C2CD5: variants seen among roughly 807,000 people sequenced by gnomAD.
The protein encoded by C2CD5 is C2 domain-containing protein 5.
In C2CD5, 109 loss-of-function variants were observed where a neutral mutation model predicts 130.3. That is an observed-to-expected ratio of 0.84 (90% CI 0.72 to 0.98). C2CD5 has a LOEUF of 0.98. Ranked by LOEUF, C2CD5 falls within the 50% of genes least tolerant of loss-of-function variation. C2CD5 has a pLI of 0.00. For missense variants in C2CD5, 996 were observed against 1,261.8 expected (o/e 0.79, Z 3.19); for synonymous variants, 454 against 429.2 (o/e 1.06, Z -0.71).
chr12:22,525,934 T>C (rs1950677691), intron 4 of C2CD5, among the ~76,000 whole-genome samples: 1 of 152,226 alleles, frequency 6.6e-6, no homozygotes, highest in South Asian at 2.1e-4. Context: ...TTGTTTTAGT[T>C]GATTCTGTCC....
At chr12:22,496,473 A>T (rs1947032034) in intron 10 of C2CD5, among the ~76,000 whole-genome samples, 1 of 152,012 alleles carries the variant, frequency 6.6e-6, no homozygotes, top group Non-Finnish European at 1.5e-5. Context: ...GAAATGATAC[A>T]ATTTAGTTAT....
chr12:22,513,778 AAT>A (rs1949434951), intron 8 of C2CD5, among the ~76,000 whole-genome samples: 1 of 152,162 alleles, frequency 6.6e-6, no homozygotes, highest in African/African-American at 2.4e-5. Flanking sequence ...ATTAAATGTA[AAT>A]ATAGAGACAA....
chr12:22,519,181 G>A (rs1181013994), intron 7 of C2CD5: 2 of 1,535,842 alleles, frequency 1.3e-6, no homozygotes, highest in Admixed American at 2.0e-5. Context: ...GTAGCAGTGT[G>A]AATTGGGCTG....
Position 22,523,628 on chromosome 12 carries a change from C to A in C2CD5, c.602-4G>T, listed in dbSNP as rs1242270929. The A allele has an allele frequency of 6.8e-6, 11 of 1,607,640 alleles. No homozygotes were observed. Among genetic ancestry groups the A allele is most frequent in the Non-Finnish European group, 9.3e-6 (11 of 1,176,848 alleles). On this transcript the variant is annotated splice_polypyrimidine_tract_variant and splice_region_variant and intron_variant, in intron 6 of 26. Transcript: ENST00000446597. ...CCAATCTTCCTCTGCAGCTCACCTA[C>A]AAAACATGGGAAATCTCATTCTTGC...
intron 3 of C2CD5, among the ~76,000 whole-genome samples, chr12:22,530,076 C>CTATATATATA (rs918605281): frequency 3.4e-4 from 26 of 77,292 alleles, no homozygotes; most frequent in South Asian, 5.7e-4. Context: ...TATTTGAGTG[C>CTATATATATA]TATATATATA....
chr12:22,457,288 A>C (rs1388706890), intron 24 of C2CD5, 127 bp from the exon 25 acceptor site: 1 of 571,638 alleles, frequency 1.7e-6, no homozygotes, highest in Non-Finnish European at 3.0e-6. Flanking sequence ...CATGAAAGAA[A>C]AGAAATTATC....
At chr12:22,472,603 C>T (rs1943215244) in intron 17 of C2CD5, 141 bp downstream of exon 17, 1 of 703,928 alleles carries the variant, frequency 1.4e-6, no homozygotes, top group East Asian at 2.6e-5. Flanking sequence ...ATGTTTTCTA[C>T]CTTGGAGTAG....
At chr12:22,482,455 A>C (rs1944873163) in intron 14 of C2CD5, 102 bp downstream of exon 14, 1 of 963,716 alleles carries the variant, frequency 1.0e-6, no homozygotes, top group African/African-American at 1.7e-5. Flanking sequence ...TTAATGTCAA[A>C]GTCTTTAGAT....
At chr12:22,489,818 G>A (rs1267263741) in intron 12 of C2CD5, among the ~76,000 whole-genome samples, 1 of 151,872 alleles carries the variant, frequency 6.6e-6, no homozygotes, top group Non-Finnish European at 1.5e-5. Context: ...GGAAGAGAAA[G>A]ATCCAAAGAT....
chr12:22,520,020 T>A (rs557077386), intron 7 of C2CD5, among the ~76,000 whole-genome samples: 7 of 152,270 alleles, frequency 4.6e-5, no homozygotes, highest in African/African-American at 1.7e-4. Context: ...TATCTATGTG[T>A]GTGTATACTT....
chr12:22,497,066 C>T (rs1239900141), intron 10 of C2CD5, among the ~76,000 whole-genome samples: 1 of 152,038 alleles, frequency 6.6e-6, no homozygotes, highest in African/African-American at 2.4e-5. Context: ...TTAAACTCAA[C>T]CTCTTTGAGA....
At chr12:22,482,848 T>A in intron 13 of C2CD5, 105 bp from the exon 14 acceptor site, 1 of 773,608 alleles carries the variant, frequency 1.3e-6, no homozygotes, top group South Asian at 1.6e-5. Context: ...ATTTACTTGT[T>A]TCTAATGGGC....
intron 7 of C2CD5, chr12:22,519,312 T>C: frequency 7.5e-7 from 1 of 1,329,032 alleles, no homozygotes; most frequent in Non-Finnish European, 1.0e-6. Flanking sequence ...TATGTTAAAA[T>C]AATTTCAAAG....
In C2CD5 at chr12:22,449,273, T is replaced by C. The variant is rs1938020414; in HGVS notation, c.*487A>G. The C allele has an allele frequency of 6.6e-6, 1 of 152,276 alleles. No homozygotes were observed. The highest frequency in any genetic ancestry group is 2.4e-5 in the African/African-American group (1 of 41,460). 9.4% of individuals were successfully genotyped at this position (152,276 alleles called of 1,614,324 possible). On this transcript the variant is annotated 3_prime_UTR_variant, in exon 27 of 27. Transcript: ENST00000446597. Reference sequence around the variant, plus strand: ...TCCCTTTCAGTTGTTACCGAATTCCTCAGCAAAATACAACACATTCAGAAA... The same window carrying C: ...TCCCTTTCAGTTGTTACCGAATTCCCCAGCAAAATACAACACATTCAGAAA...
chr12:22,542,688 C>T (rs926159053), intron 2 of C2CD5, among the ~76,000 whole-genome samples: 2 of 152,144 alleles, frequency 1.3e-5, no homozygotes, highest in Admixed American at 6.5e-5. Flanking sequence ...TTGGTGAGGC[C>T]GTATTAGCAG....
chr12:22,511,388 G>A (rs751753115), intron 9 of C2CD5, among the ~76,000 whole-genome samples: 3 of 152,136 alleles, frequency 2.0e-5, no homozygotes, highest in Non-Finnish European at 4.4e-5. Context: ...CCATACTAAT[G>A]GCAGTCGCAA....
In C2CD5 at chr12:22,509,243, T is replaced by C. The variant is rs549156248; in HGVS notation, c.1039-2424A>G. On this transcript the variant is annotated intron_variant, in intron 9 of 26. Transcript: ENST00000446597. ...ACATTTTTGTAAGCTAAATGGAAGA[T>C]AGTACTTCCTTTTTCCTTCTAAAGA... Among the ~76,000 whole-genome samples the C allele has an allele frequency of 1.0e-3, 153 of 152,326 alleles. 1 individual carries two copies. The highest frequency in any genetic ancestry group is 3.3e-3 in the African/African-American group (136 of 41,584).
chr12:22,516,263 T>C (rs1380273617), intron 8 of C2CD5, among the ~76,000 whole-genome samples: 4 of 151,922 alleles, frequency 2.6e-5, no homozygotes, highest in Admixed American at 2.6e-4. Context: ...ATTTGAAGTC[T>C]CCATGAGAAA....
intron 7 of C2CD5, among the ~76,000 whole-genome samples, chr12:22,520,675 A>T (rs528769639): frequency 5.9e-5 from 9 of 152,258 alleles, no homozygotes; most frequent in Non-Finnish European, 1.3e-4. Context: ...AAACAATGCT[A>T]TATTTATTAT....
Sources: gnomAD v4.1 joint callset for allele counts (sites outside exome capture counted in the v4.1 genomes callset) on GRCh38, gnomAD v4.1.1 for gene constraint, MANE v1.5 for transcripts, NCBI Gene and HGNC (gene_info 2026-07-23, HGNC 2026-07-21) for gene names.